PDZD2: variants seen among roughly 807,000 people sequenced by gnomAD.
PDZD2 encodes the protein PDZ domain-containing protein 2.
Under a neutral mutation model 220.7 loss-of-function variants are expected in PDZD2, and 90 were observed. The observed-to-expected ratio is 0.41, with a 90% confidence interval of 0.34 to 0.49. The LOEUF (loss-of-function observed/expected upper bound fraction) is 0.49. Ranked by LOEUF, PDZD2 falls within the 20% of genes least tolerant of loss-of-function variation. PDZD2 has a pLI of 0.28. For synonymous variants in PDZD2, 1,375 were observed against 1,450.5 expected, an observed-to-expected ratio of 0.95 and a Z score of 1.18; for missense variants, 3,174 against 3,608.5, an observed-to-expected ratio of 0.88 and a Z score of 3.08.
chr5:31,701,388 A>G lies in PDZD2; in HGVS notation c.-361+61951A>G, dbSNP rs1030923731. 5.3e-5 allele frequency among the ~76,000 whole-genome samples: 8 copies of G among 152,162 alleles called. No homozygotes were observed. The East Asian group carries it at 1.5e-3, about 29-fold the overall frequency. On this transcript the variant is annotated intron_variant, in intron 1 of 24. Transcript: ENST00000438447. ...ATTTTTTTGTATTTTTTGTAAAGAC[A>G]TGCCATGTTGCCCGCGCTGGTCTTG...
chr5:32,027,325 G>C (rs72761503), intron 6 of PDZD2, among the ~76,000 whole-genome samples: 3,293 of 152,248 alleles, frequency 0.022, 137 homozygotes, highest in East Asian at 0.19. Context: ...ACATTCCTGT[G>C]CCCTTAAAGG....
chr5:31,816,105 A>G (rs925828871), intron 2 of PDZD2, among the ~76,000 whole-genome samples: 2 of 151,868 alleles, frequency 1.3e-5, no homozygotes, highest in Admixed American at 6.6e-5. Context: ...TGGCTAACAC[A>G]GTGAAACCCT....
chr5:31,804,688 G>T (rs952738221), intron 2 of PDZD2, among the ~76,000 whole-genome samples: 1 of 131,148 alleles, frequency 7.6e-6, no homozygotes, highest in African/African-American at 2.6e-5. Context: ...TGGTCCTTGT[G>T]CGATACTACC....
intron 2 of PDZD2, among the ~76,000 whole-genome samples, chr5:31,928,929 T>C (rs1186316708): frequency 2.6e-5 from 4 of 152,062 alleles, no homozygotes; most frequent in Admixed American, 2.0e-4. Flanking sequence ...AGGATCTAAG[T>C]TGAGAGTTTT....
intron 1 of PDZD2, among the ~76,000 whole-genome samples, chr5:31,655,034 GACTCTCCC>G (rs1745492690): frequency 6.6e-6 from 1 of 152,106 alleles, no homozygotes; most frequent in South Asian, 2.1e-4. Context: ...TCATGTAGCA[GACTCTCCC>G]TCACTTCCTT....
intron 12 of PDZD2, 110 bp downstream of exon 12, chr5:32,058,213 C>T (rs1739293998): frequency 1.5e-6 from 1 of 672,744 alleles, no homozygotes; most frequent in South Asian, 1.8e-5. Context: ...TTGGTACAAT[C>T]TTCTATCAAC....
chr5:31,920,817 T>C (rs1744187483), intron 2 of PDZD2, among the ~76,000 whole-genome samples: 1 of 152,180 alleles, frequency 6.6e-6, no homozygotes, highest in Non-Finnish European at 1.5e-5. Context: ...ATCTTCTTAC[T>C]GTCTCCATAA....
At chr5:31,975,621 G>C (rs1438885773) in intron 2 of PDZD2, among the ~76,000 whole-genome samples, 1 of 152,068 alleles carries the variant, frequency 6.6e-6, no homozygotes, top group East Asian at 1.9e-4. Flanking sequence ...TTCCTTCAGC[G>C]AGCAGTTGGA....
chr5:31,669,016 G>A (rs1419222801), intron 1 of PDZD2, among the ~76,000 whole-genome samples: 2 of 152,080 alleles, frequency 1.3e-5, no homozygotes, highest in South Asian at 2.1e-4. Context: ...TCTGCGATGG[G>A]TGACTTTGCC....
Position 32,089,218 on chromosome 5 carries a change from C to G in PDZD2, c.5770C>G (p.His1924Asp). 6.2e-7 allele frequency: 1 copy of G among 1,614,172 alleles called. No individual in the cohort carries two copies. The highest frequency in any genetic ancestry group is 8.5e-7 in the Non-Finnish European group (1 of 1,180,032). The stretch of plus-strand genomic sequence containing the variant: ...ACCCTTGATCTCACCCCAGACCTCC[C>G]ACAAAACACTTTCTAAGGCAGTGTC... ...RKPLISPQTS[H>D]KTLSKAVSQR... The change falls in exon 20 of 25, where the codon CAC becomes GAC. Residue 1924 changes from histidine to aspartate, a missense_variant. Physicochemically the swap from His to Asp is moderately conservative, Grantham distance 81. Transcript: ENST00000438447.
chr5:32,010,700 T>G (rs1230559757), intron 6 of PDZD2: 2 of 584,074 alleles, frequency 3.4e-6, no homozygotes, highest in Admixed American at 4.2e-5. Context: ...GTAAACAAGA[T>G]AAGCAACCCA....
At chr5:31,734,200 G>A (rs567091211) in intron 1 of PDZD2, among the ~76,000 whole-genome samples, 1 of 152,272 alleles carries the variant, frequency 6.6e-6, no homozygotes, top group East Asian at 1.9e-4. Context: ...ATAGGGCGAG[G>A]TATGGGGGAA....
At chr5:32,060,456 C>A (rs1427153370) in intron 13 of PDZD2, among the ~76,000 whole-genome samples, 1 of 152,052 alleles carries the variant, frequency 6.6e-6, no homozygotes, top group Admixed American at 6.5e-5. Context: ...TGTTGGGTAA[C>A]CTTTGAGCCT....
intron 2 of PDZD2, among the ~76,000 whole-genome samples, chr5:31,973,782 G>A (rs1749508938): frequency 6.6e-6 from 1 of 152,154 alleles, no homozygotes; most frequent in South Asian, 2.1e-4. Context: ...AGAACTTTGG[G>A]AGGCCGAGGC....
chr5:31,931,687 A>G (rs1461645971), intron 2 of PDZD2, among the ~76,000 whole-genome samples: 4 of 152,176 alleles, frequency 2.6e-5, no homozygotes, highest in Non-Finnish European at 4.4e-5. Flanking sequence ...GGCAGGAGGA[A>G]TGAGACTGAA....
In PDZD2 at chr5:31,919,858, A is replaced by AT. The variant is rs3037133; in HGVS notation, c.477-63286dup. Among the ~76,000 whole-genome samples, 309 of 148,462 alleles carry AT rather than the reference A, an allele frequency of 2.1e-3. 1 individual carries two copies. The highest frequency in any genetic ancestry group is 0.01 in the Middle Eastern group (3 of 290). On this transcript the variant is annotated intron_variant, in intron 2 of 24. Transcript: ENST00000438447. ...TAGTAAAACCTGTCTCTAAAAAACA[A>AT]TTTTTTTTTTTATGAACCAGGCGTG...
rs527758541 is a variant in PDZD2, at chr5:31,677,610, C to T, written c.-361+38173C>T. Among the ~76,000 whole-genome samples, 4 of 134,130 alleles carry T rather than the reference C, an allele frequency of 3.0e-5. 2 individuals are homozygous for T. The highest frequency in any genetic ancestry group is 6.3e-5 in the Non-Finnish European group (4 of 63,822). The allele number at this position is 134,130 out of a possible 152,430, so 88.0% of individuals were successfully genotyped here. A position where few individuals can be genotyped will look rare whatever the true frequency, so the allele number is the denominator to read the frequency against. On this transcript the variant is annotated intron_variant, in intron 1 of 24. Coordinates refer to ENST00000438447, the MANE Select transcript of PDZD2 (RefSeq NM_178140.4). ...CAGCCTGGGCGACAGAGCGAGACTC[C>T]GTCTTAAAAAAAAAAAAAAAAAAAA... is the stretch of plus-strand genomic sequence containing the variant.
At chr5:31,670,408 C>A (rs796613406) in intron 1 of PDZD2, among the ~76,000 whole-genome samples, 46 of 149,518 alleles carry the variant, frequency 3.1e-4, no homozygotes, top group African/African-American at 1.1e-3. Context: ...TCTTAGTTTG[C>A]GTTTATTTTA....
In PDZD2 at chr5:32,057,940, A is replaced by G. The variant is rs1418062503; in HGVS notation, c.2037A>G (p.Thr679=). 3 of 1,613,768 alleles carry G rather than the reference A, an allele frequency of 1.9e-6. No individual in the cohort carries two copies. Among genetic ancestry groups the G allele is most frequent in the Non-Finnish European group, 2.5e-6 (3 of 1,179,926 alleles). The stretch of plus-strand genomic sequence containing the variant: ...CAAAGTTGGTGAGCCCCAGCCTCAC[A>G]CCCTGCTCGACACCCACACACATGA... ...VRTKLVSPSL[T]PCSTPTHMSR... Residue 679 remains threonine, a synonymous_variant, in exon 12 of 25, where the codon ACA becomes ACG. Coordinates refer to ENST00000438447, the MANE Select transcript of PDZD2 (RefSeq NM_178140.4).
Sources: allele counts gnomAD v4.1 joint callset (sites outside exome capture counted in the v4.1 genomes callset), GRCh38; gene constraint gnomAD v4.1.1; transcripts MANE v1.5; gene names NCBI Gene and HGNC (gene_info 2026-07-23, HGNC 2026-07-21).